Variants in PARD3 observed in about 807,000 individuals in gnomAD.
The protein encoded by PARD3 is partitioning defective 3 homolog.
A neutral mutation model predicts 155.4 loss-of-function variants in PARD3; 75 were observed. That is an observed-to-expected ratio of 0.48 (90% CI 0.40 to 0.58). The LOEUF (loss-of-function observed/expected upper bound fraction) is 0.58, where lower values mean the gene tolerates loss of function less well. PARD3 is among the 20% of genes least tolerant of loss of function. PARD3 has a pLI of 0.00. For missense variants in PARD3, 1,642 were observed against 1,721.7 expected (o/e 0.95, Z 0.82); for synonymous variants, 576 against 610.5 (o/e 0.94, Z 0.83).
chr10:34,681,768 ATTTTTTTTT>A (rs56661701), intron 2 of PARD3, among the ~76,000 whole-genome samples: 18 of 17,360 alleles, frequency 1.0e-3, no homozygotes, highest in African/African-American at 1.5e-3. Context: ...ATATATATAT[ATTTTTTTTT>A]TTTTTTTTTT....
intron 2 of PARD3, among the ~76,000 whole-genome samples, chr10:34,520,887 G>A (rs767918852): frequency 6.6e-5 from 10 of 152,116 alleles, no homozygotes; most frequent in Non-Finnish European, 1.5e-4. Flanking sequence ...TTCAAGCTCT[G>A]CATGAAGATT....
At chr10:34,292,344 T>C (rs1334644712) in intron 20 of PARD3, among the ~76,000 whole-genome samples, 1 of 152,212 alleles carries the variant, frequency 6.6e-6, no homozygotes, top group Admixed American at 6.5e-5. Flanking sequence ...TTTAGTGTCA[T>C]TTTAAGAAAT....
At chr10:34,629,239 C>A (rs2092139074) in intron 2 of PARD3, among the ~76,000 whole-genome samples, 2 of 152,214 alleles carry the variant, frequency 1.3e-5, no homozygotes, top group East Asian at 1.9e-4. Context: ...TTTTCAATAT[C>A]TTTTAGCAGT....
intron 5 of PARD3, among the ~76,000 whole-genome samples, chr10:34,441,771 T>C (rs910115770): frequency 5.9e-5 from 9 of 152,088 alleles, no homozygotes; most frequent in Non-Finnish European, 1.2e-4. Flanking sequence ...ACATATAGGG[T>C]GTTTTGATCA....
At chr10:34,431,516 T>TG (rs1266613840) in intron 5 of PARD3, among the ~76,000 whole-genome samples, 6 of 151,712 alleles carry the variant, frequency 4.0e-5, no homozygotes, top group African/African-American at 1.5e-4. Flanking sequence ...CCAAGGCGGG[T>TG]GATCACCTGA....
intron 22 of PARD3, among the ~76,000 whole-genome samples, chr10:34,145,344 G>A (rs925307809): frequency 1.3e-5 from 2 of 148,544 alleles, no homozygotes; most frequent in African/African-American, 5.0e-5. Context: ...GGAATCTTAA[G>A]TTCTCCAGTT....
chr10:34,736,865 C>T (rs1230401117), intron 1 of PARD3, among the ~76,000 whole-genome samples: 1 of 152,016 alleles, frequency 6.6e-6, no homozygotes, highest in Non-Finnish European at 1.5e-5. Flanking sequence ...TTAGTAGAAA[C>T]AGGGTTTCGC....
At chr10:34,256,147 A>C (rs551969132) in intron 22 of PARD3, among the ~76,000 whole-genome samples, 1 of 152,376 alleles carries the variant, frequency 6.6e-6, no homozygotes, top group African/African-American at 2.4e-5. Context: ...CTTTCAACAT[A>C]TTCGCTAATT....
chr10:34,331,283 ACT>A lies in PARD3; in HGVS notation c.2665_2666del (p.Leu890AlafsTer30). 6.2e-7 allele frequency: 1 copy of A among 1,613,802 alleles called. No homozygotes were observed. Among genetic ancestry groups the A allele is most frequent in the Non-Finnish European group, 8.5e-7 (1 of 1,179,936 alleles). Reference protein sequence around the residue: ...LGLKKSSSLESLQTAVAEVTL... With the variant: ...LGLKKSSSLEXLQTAVAEVTL... ...TCACCTCGGCAACTGCGGTCTGCAG[ACT>A]CTCCAACGAGCTTGACTTCTTCAGA... On this transcript the variant is annotated frameshift_variant, in exon 19 of 25. Coordinates refer to ENST00000374788, the MANE Select transcript of PARD3 (RefSeq NM_001184785.2). LOFTEE classifies it high-confidence loss of function.
rs1836044001 is a variant in PARD3 at position 34,335,211 on chromosome 10, GATTT to G, written c.2605+984_2605+987del. On this transcript the variant is annotated intron_variant, in intron 18 of 24. Transcript: ENST00000374788. The stretch of plus-strand genomic sequence containing the variant: ...TGCCGTGCAATACAGTTAATCTTAT[GATTT>G]ATTAGATGTCGTTTTTACAATCTAT... 1.1e-4 allele frequency among the ~76,000 whole-genome samples: 16 copies of G among 152,028 alleles called. 2 individuals carry two copies. The South Asian group carries it at 3.3e-3, about 32-fold the overall frequency.
chr10:34,246,802 T>G (rs1311551942), intron 22 of PARD3, among the ~76,000 whole-genome samples: 1 of 152,030 alleles, frequency 6.6e-6, no homozygotes, highest in African/African-American at 2.4e-5. Flanking sequence ...GCCTTGGAAA[T>G]GGGGCTAAAT....
At chr10:34,476,679 C>G (rs182108095) in intron 3 of PARD3, among the ~76,000 whole-genome samples, 41 of 152,206 alleles carry the variant, frequency 2.7e-4, no homozygotes, top group Admixed American at 2.6e-3. Context: ...TACCCCCAAC[C>G]AGTGATCATC....
At chr10:34,379,952 T>C (rs185792871) in intron 9 of PARD3, among the ~76,000 whole-genome samples, 1 of 152,096 alleles carries the variant, frequency 6.6e-6, no homozygotes, top group East Asian at 1.9e-4. Flanking sequence ...GTACTAAGAG[T>C]TGATTCCAGT....
At chr10:34,378,191 A>G (rs1229330923) in intron 9 of PARD3, 85 bp from the exon 10 acceptor site, 1 of 979,510 alleles carries the variant, frequency 1.0e-6, no homozygotes, top group South Asian at 1.6e-5. Context: ...CTCAACCTCA[A>G]CTTGACATTT....
intron 3 of PARD3, among the ~76,000 whole-genome samples, chr10:34,509,636 A>C (rs1260557834): frequency 6.6e-6 from 1 of 152,252 alleles, no homozygotes; most frequent in East Asian, 1.9e-4. Context: ...TTTAAAGTTA[A>C]ATAAAATATA....
chr10:34,485,276 G>T (rs1455833186), intron 3 of PARD3, among the ~76,000 whole-genome samples: 1 of 151,812 alleles, frequency 6.6e-6, no homozygotes, highest in Non-Finnish European at 1.5e-5. Flanking sequence ...AGGCAGAGGC[G>T]GCAGTGAGCC....
intron 1 of PARD3, among the ~76,000 whole-genome samples, chr10:34,761,292 T>A (rs1837410624): frequency 6.6e-6 from 1 of 152,032 alleles, no homozygotes; most frequent in Non-Finnish European, 1.5e-5. Context: ...GTACCCATAG[T>A]CCCAGCTACT....
chr10:34,181,747 A>C (rs531004942), intron 22 of PARD3, among the ~76,000 whole-genome samples: 1 of 152,102 alleles, frequency 6.6e-6, no homozygotes, highest in African/African-American at 2.4e-5. Flanking sequence ...AAACTTCATC[A>C]TTCAGGAAGT....
chr10:34,777,059 G>A (rs1321287718), intron 1 of PARD3, among the ~76,000 whole-genome samples: 1 of 144,890 alleles, frequency 6.9e-6, no homozygotes, highest in Non-Finnish European at 1.5e-5. Context: ...CACCATGTTG[G>A]CCAGGCTGGT....
Sources: gnomAD v4.1 joint callset for allele counts (sites outside exome capture counted in the v4.1 genomes callset) on GRCh38, gnomAD v4.1.1 for gene constraint, MANE v1.5 for transcripts, NCBI Gene and HGNC (gene_info 2026-07-23, HGNC 2026-07-21) for gene names.